The following AMY2B variants were observed in gnomAD, a reference collection of about 807,000 sequenced individuals.
AMY2B encodes the protein alpha-amylase 2B.
In AMY2B, 63 loss-of-function variants were observed where a neutral mutation model predicts 59.3. The ratio of observed to expected loss-of-function variants is 1.06; its 90% CI spans 0.87 to 1.31. AMY2B has a LOEUF of 1.31. AMY2B is among the 50% of genes most tolerant of loss of function. The probability of loss-of-function intolerance (pLI) is 0.00; values close to 1 mark genes in which losing one functional copy is unlikely to be tolerated. For synonymous variants in AMY2B, 180 were observed against 198.1 expected (o/e 0.91, Z 0.77); for missense variants, 635 against 626.7 (o/e 1.01, Z -0.14).
upstream of AMY2B, chr1:103,571,451 C>G: frequency 2.1e-6 from 3 of 1,457,964 alleles, no homozygotes; most frequent in African/African-American, 1.4e-5. Flanking sequence ...ATGTTCTTCT[C>G]CTGTTAGGAT....
rs1402999052 is a variant in AMY2B at position 103,574,249 on chromosome 1, T to C, written c.745-11T>C. The C allele has an allele frequency of 3.1e-6, 5 of 1,611,590 alleles. No homozygotes were observed. The African/African-American group carries it at 5.3e-5, about 17-fold the overall frequency. On this transcript the variant is annotated splice_polypyrimidine_tract_variant and intron_variant, in intron 4 of 9. Transcript: ENST00000684275. ...TATGCAAAATGTTACTTTTTCCTAATTTTCTACTAGGTAATTGATCTGGGT... is the reference window on the plus strand; with the variant it reads ...TATGCAAAATGTTACTTTTTCCTAACTTTCTACTAGGTAATTGATCTGGGT...
upstream of AMY2B, chr1:103,570,589 C>T: frequency 1.7e-6 from 1 of 593,590 alleles, no homozygotes; most frequent in South Asian, 1.5e-5. Flanking sequence ...ATCCTGGCCT[C>T]ACTGTCAGCC....
upstream of AMY2B, chr1:103,568,565 G>A (rs892550604): frequency 6.6e-6 from 1 of 152,086 alleles, no homozygotes; most frequent in Non-Finnish European, 1.5e-5. Context: ...GGGAAACAGG[G>A]CTGATTTTAA....
At chr1:103,571,824 G>A (rs1652144000) in intron 1 of AMY2B, 54 bp downstream of exon 1, 5 of 1,611,790 alleles carry the variant, frequency 3.1e-6, no homozygotes, top group South Asian at 2.2e-5. Flanking sequence ...GTAGTAAATA[G>A]TATTCTGATC....
intron 1 of AMY2B, among the ~76,000 whole-genome samples, chr1:103,558,425 CAAGAG>C (rs1017658422): frequency 1.3e-5 from 2 of 151,690 alleles, no homozygotes; most frequent in African/African-American, 4.9e-5. Flanking sequence ...TGTAGAAAGT[CAAGAG>C]AAGAATAAAT....
At chr1:103,575,588 G>T in intron 7 of AMY2B, 48 bp downstream of exon 7, 1 of 1,606,472 alleles carries the variant, frequency 6.2e-7, no homozygotes, top group East Asian at 2.2e-5. Context: ...GAAACAGAAG[G>T]CAATCTTGTT....
At chr1:103,571,871 G>A (rs1167388514) in intron 1 of AMY2B, 101 bp downstream of exon 1, 1 of 1,606,840 alleles carries the variant, frequency 6.2e-7, no homozygotes, top group Non-Finnish European at 8.5e-7. Flanking sequence ...TACTTCACAG[G>A]TAAGTATTCT....
intron 2 of AMY2B, among the ~76,000 whole-genome samples, chr1:103,566,020 C>T (rs537803451): frequency 5.9e-5 from 9 of 152,254 alleles, no homozygotes; most frequent in African/African-American, 1.9e-4. Flanking sequence ...ATATACCTTT[C>T]CAAATTTAAC....
intron 7 of AMY2B, 62 bp downstream of exon 7, chr1:103,575,602 A>T: frequency 6.3e-7 from 1 of 1,592,370 alleles, no homozygotes; most frequent in Non-Finnish European, 8.6e-7. Context: ...TCTTGTTCTA[A>T]CTTAATATGA....
At chr1:103,571,903 A>G in intron 1 of AMY2B, 133 bp downstream of exon 1, 1 of 1,582,794 alleles carries the variant, frequency 6.3e-7, no homozygotes, top group Non-Finnish European at 8.6e-7. Context: ...TTCTGAGGAA[A>G]AAACAATGTA....
chr1:103,576,154 A>G (rs564363832), intron 7 of AMY2B, among the ~76,000 whole-genome samples: 1 of 152,220 alleles, frequency 6.6e-6, no homozygotes. Context: ...CAGAGAAATA[A>G]GAGTGTACAG....
intron 5 of AMY2B, 76 bp from the exon 6 acceptor site, chr1:103,575,147 A>G (rs1652299612): frequency 6.3e-7 from 1 of 1,598,932 alleles, no homozygotes; most frequent in Non-Finnish European, 8.5e-7. Flanking sequence ...GCCATGCAGA[A>G]AGAGATGCAC....
At chr1:103,562,052 A>G (rs1651750555) in intron 1 of AMY2B, 2 of 152,230 alleles carry the variant, frequency 1.3e-5, no homozygotes, top group Admixed American at 1.3e-4. Flanking sequence ...TAAAACACTC[A>G]ACTGTGGGTT....
chr1:103,575,345 G>C lies in AMY2B; in HGVS notation c.1001G>C (p.Arg334Thr), dbSNP rs12075462. 3 of 1,613,302 alleles carry C rather than the reference G, an allele frequency of 1.9e-6. No individual in the cohort carries two copies. The highest frequency in any genetic ancestry group is 4.5e-5 in the East Asian group (2 of 44,838). The change falls in exon 6 of 10, where the codon AGG becomes ACG. Residue 334 changes from arginine (R) to threonine (T), a missense_variant and splice_region_variant. Physicochemically the swap from Arg to Thr is moderately conservative, Grantham distance 71. Coordinates refer to ENST00000684275, the MANE Select transcript of AMY2B (RefSeq NM_001387437.1). ...TCTATTCTTACCTTCTGGGATGCTA[G>C]GTAGAAAACCAAGTTCTCTATTTTT... ...GASILTFWDA[R>T]LYKMAVGFML...
exon 2 of AMY2B, chr1:103,565,593 A>G (rs1651883097): frequency 6.6e-6 from 1 of 152,212 alleles, no homozygotes; most frequent in South Asian, 2.1e-4. Flanking sequence ...CTTTCATCCC[A>G]GGTAGGCTCA....
intron 3 of AMY2B, among the ~76,000 whole-genome samples, 197 bp downstream of exon 3, chr1:103,573,457 A>T (rs1652217832): frequency 6.6e-6 from 1 of 152,224 alleles, no homozygotes; most frequent in South Asian, 2.1e-4. Flanking sequence ...ATCAATACAC[A>T]TTTGCCCACT....
At chr1:103,574,219 G>T (rs756786949) in intron 4 of AMY2B, 41 bp from the exon 5 acceptor site, 1 of 1,611,300 alleles carries the variant, frequency 6.2e-7, no homozygotes, top group South Asian at 1.1e-5. Context: ...ATGCTTTAAA[G>T]TCCTTATGCA....
chr1:103,574,489 A>G, intron 5 of AMY2B, 96 bp downstream of exon 5: 1 of 1,595,312 alleles, frequency 6.3e-7, no homozygotes, highest in Non-Finnish European at 8.5e-7. Flanking sequence ...TTTTTCAGAC[A>G]ACTATCAAGG....
At chr1:103,571,520 A>T (rs1482505256), upstream of AMY2B, 7 of 1,581,112 alleles carry the variant, frequency 4.4e-6, no homozygotes, top group Non-Finnish European at 8.6e-7. Flanking sequence ...GTATTTATTC[A>T]TGCTAATATT....
Sources: allele counts gnomAD v4.1 joint callset (sites outside exome capture counted in the v4.1 genomes callset), GRCh38; gene constraint gnomAD v4.1.1; transcripts MANE v1.5; gene names NCBI Gene and HGNC (gene_info 2026-07-23, HGNC 2026-07-21).